The following FRYL variants were observed in gnomAD, a reference collection of about 807,000 sequenced individuals.
FRYL encodes FRY like transcription coactivator, also known as protein furry homolog-like.
Under a neutral mutation model 351.2 loss-of-function variants are expected in FRYL, and 150 were observed. That is an observed-to-expected ratio of 0.43 (90% CI 0.37 to 0.49). The LOEUF (loss-of-function observed/expected upper bound fraction) is 0.49. Among genes scored for constraint, FRYL ranks in the 20% least tolerant of loss-of-function variants. FRYL has a pLI of 0.00. For synonymous variants in FRYL, 1,153 were observed against 1,257.1 expected (o/e 0.92, Z 1.75); for missense variants, 3,036 against 3,619.3 (o/e 0.84, Z 4.13).
chr4:48,758,332 G>C (rs74995353), intron 1 of FRYL, among the ~76,000 whole-genome samples: 148,767 of 152,164 alleles, frequency 0.98, 72,812 homozygotes, highest in East Asian at 1. Flanking sequence ...ATCTATCCAT[G>C]TGACAAAGGG....
intron 2 of FRYL, among the ~76,000 whole-genome samples, chr4:48,706,346 G>GA (rs1767345336): frequency 6.6e-6 from 1 of 152,136 alleles, no homozygotes. Flanking sequence ...ACTATAACAT[G>GA]AATGACCTTG....
Position 48,574,199 on chromosome 4 carries a change from G to GA in FRYL, c.2846+917dup, listed in dbSNP as rs1324151219. ...GGGAAAATCTGAAAAAACATAAGAA[G>GA]AAAAAAATCATCCACAATTTAATCA... On this transcript the variant is annotated intron_variant, in intron 25 of 63. Transcript: ENST00000358350. Among the ~76,000 whole-genome samples the GA allele has an allele frequency of 6.6e-5, 10 of 152,094 alleles. No individual in the cohort carries two copies. In the East Asian group the frequency reaches 9.7e-4, roughly 15 times the overall value.
chr4:48,733,616 A>G (rs146999035), intron 1 of FRYL, among the ~76,000 whole-genome samples: 1 of 152,320 alleles, frequency 6.6e-6, no homozygotes, highest in Non-Finnish European at 1.5e-5. Context: ...TAATAGCAAC[A>G]ATGTATTAAA....
chr4:48,545,707 T>C (rs778175651), intron 42 of FRYL, among the ~76,000 whole-genome samples: 2 of 152,204 alleles, frequency 1.3e-5, no homozygotes, highest in Non-Finnish European at 2.9e-5. Flanking sequence ...TGGAATACCA[T>C]GCCCTTTCTC....
intron 2 of FRYL, among the ~76,000 whole-genome samples, chr4:48,703,588 C>T (rs1231779832): frequency 6.6e-6 from 1 of 152,180 alleles, no homozygotes; most frequent in Admixed American, 6.5e-5. Context: ...TGGAAGCTGC[C>T]ACACTGACTT....
intron 35 of FRYL, among the ~76,000 whole-genome samples, chr4:48,555,394 C>T (rs1733849364): frequency 1.3e-5 from 2 of 152,126 alleles, no homozygotes; most frequent in Admixed American, 1.3e-4. Flanking sequence ...TAAAATATAT[C>T]ATGTGTTTGG....
intron 31 of FRYL, 147 bp from the exon 32 acceptor site, chr4:48,563,135 C>T: frequency 1.8e-6 from 1 of 556,086 alleles, no homozygotes; most frequent in Non-Finnish European, 3.3e-6. Context: ...GCAATAGGTA[C>T]AACAACAGAT....
intron 2 of FRYL, among the ~76,000 whole-genome samples, chr4:48,693,254 TATC>T (rs1765835906): frequency 6.6e-6 from 1 of 152,218 alleles, no homozygotes; most frequent in Admixed American, 6.5e-5. Context: ...CAAATTTAAT[TATC>T]ATAATTCAGT....
chr4:48,621,917 G>A (rs1200285657), intron 5 of FRYL, among the ~76,000 whole-genome samples: 2 of 152,060 alleles, frequency 1.3e-5, no homozygotes, highest in Middle Eastern at 3.4e-3. Flanking sequence ...GAAAACTAAG[G>A]TATAAACAAG....
At chr4:48,499,740 A>G in intron 63 of FRYL, 60 bp from the exon 64 acceptor site, 6 of 1,484,378 alleles carry the variant, frequency 4.0e-6, no homozygotes, top group Non-Finnish European at 5.5e-6. Context: ...GACTAACTCA[A>G]TTTAAGTTAA....
chr4:48,532,609 A>G (rs1727904303), intron 49 of FRYL, among the ~76,000 whole-genome samples: 1 of 152,184 alleles, frequency 6.6e-6, no homozygotes, highest in Non-Finnish European at 1.5e-5. Flanking sequence ...GTGAGCCAAG[A>G]TCGCACCTCT....
chr4:48,500,087 A>G lies in FRYL; in HGVS notation c.8726T>C (p.Ile2909Thr), dbSNP rs540689433. 16 of 1,596,826 alleles carry G rather than the reference A, an allele frequency of 1.0e-5. No individual in the cohort carries two copies. The highest frequency in any genetic ancestry group is 1.4e-5 in the Non-Finnish European group (16 of 1,175,004). The change falls in exon 63 of 64, where the codon ATT (isoleucine) becomes ACT (threonine). Residue 2909 changes from isoleucine to threonine, a missense_variant. This residue lies in a region of FRYL where 1,987 missense variants were observed against 2,311.7 expected (regional missense o/e 0.86). Coordinates refer to ENST00000358350, the MANE Select transcript of FRYL (RefSeq NM_015030.2). The part of the protein sequence containing the change: ...TTIETAIHSL[I>T]ETLKNKEFIS... ...AAATTCTTTATTTTTCAAAGTTTCAATTAAAGAATGAATGGCAGTTTCTAT... is the reference window on the plus strand; with the variant it reads ...AAATTCTTTATTTTTCAAAGTTTCAGTTAAAGAATGAATGGCAGTTTCTAT...
At chr4:48,749,771 C>T (rs937559469) in intron 1 of FRYL, among the ~76,000 whole-genome samples, 1 of 152,078 alleles carries the variant, frequency 6.6e-6, no homozygotes, top group African/African-American at 2.4e-5. Context: ...TGTCCCATAT[C>T]CTCCCAAGTG....
At chr4:48,637,866 T>G (rs1754548075) in intron 3 of FRYL, 1 of 152,106 alleles carries the variant, frequency 6.6e-6, no homozygotes, top group Non-Finnish European at 1.5e-5. Context: ...AAATTTAAAT[T>G]CAGTCAAAAA....
intron 47 of FRYL, 95 bp from the exon 48 acceptor site, chr4:48,535,922 AG>A (rs1728778505): frequency 9.8e-7 from 1 of 1,020,530 alleles, no homozygotes; most frequent in South Asian, 2.6e-5. Context: ...GAAATAATTT[AG>A]ATGTATATTG....
intron 45 of FRYL, 102 bp downstream of exon 45, chr4:48,541,925 G>A: frequency 7.5e-6 from 6 of 798,184 alleles, no homozygotes; most frequent in Non-Finnish European, 1.3e-5. Context: ...AATTTGGGCA[G>A]TATTGTGCTT....
At chr4:48,680,217 T>C (rs945725686) in intron 3 of FRYL, among the ~76,000 whole-genome samples, 1 of 152,008 alleles carries the variant, frequency 6.6e-6, no homozygotes, top group African/African-American at 2.4e-5. Flanking sequence ...ATAAATAGCA[T>C]ATTAATTTAT....
At chr4:48,563,148 A>G (rs955586004) in intron 31 of FRYL, among the ~76,000 whole-genome samples, 160 bp from the exon 32 acceptor site, 2 of 152,188 alleles carry the variant, frequency 1.3e-5, no homozygotes, top group African/African-American at 4.8e-5. Context: ...CAACAGATGC[A>G]TGGTGATAAT....
At chr4:48,687,932 C>G (rs1255967360) in intron 2 of FRYL, among the ~76,000 whole-genome samples, 1 of 152,064 alleles carries the variant, frequency 6.6e-6, no homozygotes, top group Non-Finnish European at 1.5e-5. Context: ...ATTGGGGTCC[C>G]TGCTCCGTGA....
Sources: allele counts gnomAD v4.1 joint callset (sites outside exome capture counted in the v4.1 genomes callset), GRCh38; gene constraint gnomAD v4.1.1; regional missense constraint gnomAD v4.1.1; transcripts MANE v1.5; gene names NCBI Gene and HGNC (gene_info 2026-07-23, HGNC 2026-07-21).